PLCH2: variants seen among roughly 807,000 people sequenced by gnomAD.
PLCH2 encodes the protein 1-phosphatidylinositol 4,5-bisphosphate phosphodiesterase eta-2.
Under a neutral mutation model 134.7 loss-of-function variants are expected in PLCH2, and 98 were observed. The ratio of observed to expected loss-of-function variants is 0.73; its 90% confidence interval spans 0.62 to 0.86. The LOEUF (loss-of-function observed/expected upper bound fraction) is 0.86, where lower values mean the gene tolerates loss of function less well. Ranked by LOEUF, PLCH2 falls within the 40% of genes least tolerant of loss-of-function variation. PLCH2 has a pLI of 0.00. For missense variants in PLCH2, 1,994 were observed against 1,986.6 expected, an observed-to-expected ratio of 1.00 and a Z score of -0.07; for synonymous variants, 974 against 827.5, an observed-to-expected ratio of 1.18 and a Z score of -3.04.
chr1:2,495,424 A>C, intron 12 of PLCH2, 64 bp from the exon 13 acceptor site: 1 of 1,407,730 alleles, frequency 7.1e-7, no homozygotes, highest in Non-Finnish European at 9.8e-7. Context: ...CCAACCCCCC[A>C]GCCTTCGCCA....
chr1:2,487,358 G>A lies in PLCH2; in HGVS notation c.1096G>A (p.Gly366Ser). 6.2e-7 allele frequency: 1 copy of A among 1,613,182 alleles called. No homozygotes were observed. The highest frequency in any genetic ancestry group is 8.5e-7 in the Non-Finnish European group (1 of 1,179,732). Residue 366 changes from glycine (G) to serine (S), a missense_variant, in exon 7 of 22, where the codon GGC becomes AGC. Gly to Ser is a moderately conservative substitution (Grantham distance 56). This residue lies in a region of PLCH2 where 1,094 missense variants were observed against 1,234.3 expected (regional missense o/e 0.89). Coordinates refer to ENST00000378486, the MANE Select transcript of PLCH2 (RefSeq NM_014638.4). Reference sequence around the variant, plus strand: ...CATGTATGCTTGGGTCCTGCAGGCTGGCTGCCGCTGCGTGGAGGGTAAGCC... The same window carrying A: ...CATGTATGCTTGGGTCCTGCAGGCTAGCTGCCGCTGCGTGGAGGGTAAGCC... Reference protein sequence around the residue: ...VDMYAWVLQAGCRCVEVDCWD... With the variant: ...VDMYAWVLQASCRCVEVDCWD...
At chr1:2,461,864 T>G (rs377228391) in intron 2 of PLCH2, among the ~76,000 whole-genome samples, 35 of 98,984 alleles carry the variant, frequency 3.5e-4, no homozygotes, top group African/African-American at 1.3e-3. Flanking sequence ...GATGCCAGAC[T>G]CATCCCCCCC....
the PLCH2 span, among the ~76,000 whole-genome samples, chr1:2,420,191 T>C: frequency 6.6e-6 from 1 of 152,074 alleles, no homozygotes; most frequent in Non-Finnish European, 1.5e-5. Flanking sequence ...CCCTCTCAGC[T>C]GACCCCAACT....
intron 2 of PLCH2, among the ~76,000 whole-genome samples, chr1:2,433,584 G>A (rs1294193130): frequency 2.0e-5 from 3 of 152,244 alleles, no homozygotes; most frequent in Non-Finnish European, 4.4e-5. Context: ...CTCCCCGGGG[G>A]CTTTCTGACT....
chr1:2,502,894 C>T, intron 21 of PLCH2: 1 of 717,174 alleles, frequency 1.4e-6, no homozygotes, highest in South Asian at 1.5e-5. Flanking sequence ...GGAGTAAATC[C>T]CCCATGTTCT....
At chr1:2,419,066 G>T in the PLCH2 span, among the ~76,000 whole-genome samples, 2 of 152,074 alleles carry the variant, frequency 1.3e-5, no homozygotes, top group African/African-American at 4.8e-5. Flanking sequence ...GCTGGGGCAT[G>T]TGACACCTGG....
At chr1:2,475,759 A>G (rs1641580959), upstream of PLCH2, among the ~76,000 whole-genome samples, 4 of 152,142 alleles carry the variant, frequency 2.6e-5, no homozygotes, top group African/African-American at 9.7e-5. Flanking sequence ...TGAGGGAGAC[A>G]TGGAGAGCCC....
intron 2 of PLCH2, among the ~76,000 whole-genome samples, chr1:2,447,161 CTG>C (rs1639980395): frequency 1.3e-5 from 2 of 152,218 alleles, no homozygotes; most frequent in Admixed American, 1.3e-4. Context: ...AGATCAGACT[CTG>C]TGCGTGAGGC....
Position 2,498,914 on chromosome 1 carries a change from GC to G in PLCH2, c.2434+89del. 1 of 1,352,344 alleles carries G rather than the reference GC, an allele frequency of 7.4e-7. No homozygotes were observed. Among genetic ancestry groups the G allele is most frequent in the Non-Finnish European group, 1.0e-6 (1 of 968,528 alleles). The allele number at this position is 1,352,344 out of a possible 1,614,324, so 83.8% of individuals were successfully genotyped here. A position where few individuals can be genotyped will look rare whatever the true frequency, so the allele number is the denominator to read the frequency against. On this transcript the variant is annotated intron_variant, in intron 18 of 21. Coordinates refer to ENST00000378486, the MANE Select transcript of PLCH2 (RefSeq NM_014638.4). The surrounding 1 kb of genome is among the most constrained non-coding windows in gnomAD (Gnocchi z 5.4). ...GCTACCTGGTGTGCCCGGGTGCCCT[GC>G]CCAGGCCTCCCTCAGTGACAGTCCT...
At chr1:2,423,447 G>A (rs10797421), upstream of PLCH2, among the ~76,000 whole-genome samples, 80,975 of 152,000 alleles carry the variant, frequency 0.53, 22,299 homozygotes, top group East Asian at 0.75. Context: ...GTAACCAACC[G>A]ATACACGGAG....
At chr1:2,477,896 C>T (rs957933363) in intron 1 of PLCH2, among the ~76,000 whole-genome samples, 9 of 152,320 alleles carry the variant, frequency 5.9e-5, no homozygotes, top group East Asian at 1.9e-4. Context: ...CTCAGGAATT[C>T]GACCGCTCCC....
chr1:2,442,760 G>C (rs979137209), intron 2 of PLCH2, among the ~76,000 whole-genome samples: 12 of 152,220 alleles, frequency 7.9e-5, no homozygotes, highest in African/African-American at 2.9e-4. Flanking sequence ...CTGAGTGCAG[G>C]AGCCCTTCTT....
chr1:2,468,737 A>G (rs980790617), intron 1 of PLCH2, among the ~76,000 whole-genome samples: 2 of 152,158 alleles, frequency 1.3e-5, no homozygotes, highest in Non-Finnish European at 2.9e-5. Flanking sequence ...GTGGGGTGGG[A>G]CATGGCATCG....
intron 2 of PLCH2, among the ~76,000 whole-genome samples, chr1:2,451,117 G>C (rs1331602068): frequency 1.3e-5 from 2 of 152,110 alleles, no homozygotes; most frequent in Non-Finnish European, 2.9e-5. Flanking sequence ...TTGGGGCAGG[G>C]CCTGGGGTCC....
intron 2 of PLCH2, among the ~76,000 whole-genome samples, chr1:2,433,357 G>C (rs950104231): frequency 4.6e-5 from 7 of 152,358 alleles, no homozygotes; most frequent in African/African-American, 1.7e-4. Flanking sequence ...GGATGAGGCT[G>C]GCAGCATGGC....
intron 5 of PLCH2, among the ~76,000 whole-genome samples, chr1:2,486,328 C>A (rs993753492): frequency 1.3e-5 from 2 of 152,214 alleles, no homozygotes; most frequent in Non-Finnish European, 2.9e-5. Context: ...TGGGCTCCCC[C>A]ACCTGTTACC....
intron 2 of PLCH2, among the ~76,000 whole-genome samples, chr1:2,447,835 A>G (rs965757284): frequency 6.6e-6 from 1 of 152,058 alleles, no homozygotes; most frequent in Non-Finnish European, 1.5e-5. Context: ...GGAACCGGGG[A>G]ATACAGAGGA....
upstream of PLCH2, among the ~76,000 whole-genome samples, chr1:2,422,053 C>T (rs1454956182): frequency 1.3e-5 from 2 of 152,024 alleles, no homozygotes; most frequent in Non-Finnish European, 2.9e-5. Flanking sequence ...GGAGGATCAC[C>T]TGAGGCCAGG....
rs767923230 is a variant in PLCH2 at position 2,502,365 on chromosome 1, C to T, written c.2915C>T (p.Pro972Leu). Reference sequence around the variant, plus strand: ...GTGCCCCCCGGGCCCGGACCTGCTCCGGAAGCCCCAGCCCAGGAGGGGCCC... The same window carrying T: ...GTGCCCCCCGGGCCCGGACCTGCTCTGGAAGCCCCAGCCCAGGAGGGGCCC... ...DVVPPGPGPA[P>L]EAPAQEGPGS... The change falls in exon 21 of 22, where the codon CCG becomes CTG. Residue 972 changes from proline (P) to leucine (L), a missense_variant. Pro to Leu is a moderately conservative substitution (Grantham distance 98). Around this residue, in one of 2 missense-constraint regions of PLCH2, gnomAD observed 900 missense variants for 752.3 expected, o/e 1.20. Coordinates refer to ENST00000378486, the MANE Select transcript of PLCH2 (RefSeq NM_014638.4). The T allele has an allele frequency of 2.5e-5, 39 of 1,541,044 alleles. No individual in the cohort carries two copies. The Admixed American group carries it at 3.6e-4, about 14-fold the overall frequency.
Sources: allele counts gnomAD v4.1 joint callset (sites outside exome capture counted in the v4.1 genomes callset), GRCh38; gene constraint gnomAD v4.1.1; regional missense constraint gnomAD v4.1.1; non-coding constraint Gnocchi (gnomAD v3.1); transcripts MANE v1.5; gene names NCBI Gene and HGNC (gene_info 2026-07-23, HGNC 2026-07-21).